Variants in USP34 observed in about 807,000 individuals in gnomAD.
USP34 encodes the protein ubiquitin carboxyl-terminal hydrolase 34.
In USP34, 70 loss-of-function variants were observed where a neutral mutation model predicts 460.3. The ratio of observed to expected loss-of-function variants is 0.15; its 90% CI spans 0.13 to 0.19. USP34 has a LOEUF of 0.19. Ranked by LOEUF, USP34 falls within the 10% of genes least tolerant of loss-of-function variation. USP34 has a pLI of 1.00. For missense variants in USP34, 3,985 were observed against 4,236.2 expected (o/e 0.94, Z 1.65); for synonymous variants, 1,647 against 1,405.3 (o/e 1.17, Z -3.85).
intron 62 of USP34, among the ~76,000 whole-genome samples, chr2:61,224,373 TC>T (rs1687671351): frequency 6.6e-6 from 1 of 152,198 alleles, no homozygotes; most frequent in Non-Finnish European, 1.5e-5. Context: ...GGTAGTCAGA[TC>T]CAGACTTGAT....
intron 16 of USP34, among the ~76,000 whole-genome samples, chr2:61,340,976 T>C (rs1314019161): frequency 6.6e-6 from 1 of 152,032 alleles, no homozygotes; most frequent in Non-Finnish European, 1.5e-5. Context: ...GGAAGTTCCC[T>C]TGTGATCCTT....
intron 41 of USP34, among the ~76,000 whole-genome samples, chr2:61,266,575 T>C (rs1379634261): frequency 1.3e-5 from 2 of 152,230 alleles, no homozygotes; most frequent in East Asian, 1.9e-4. Context: ...AGTTTACTTA[T>C]ACTGTTGAAA....
At chr2:61,380,131 A>G in intron 7 of USP34, 38 bp downstream of exon 7, 2 of 1,581,646 alleles carry the variant, frequency 1.3e-6, no homozygotes, top group Middle Eastern at 1.7e-4. Context: ...CCAGAAAACA[A>G]ATAAACGATG....
At chr2:61,374,813 C>G (rs1022646226) in intron 8 of USP34, among the ~76,000 whole-genome samples, 1 of 152,180 alleles carries the variant, frequency 6.6e-6, no homozygotes, top group African/African-American at 2.4e-5. Flanking sequence ...AGGTGATCCA[C>G]CAGCTTCGGC....
chr2:61,298,431 A>G (rs1022202968), intron 29 of USP34, among the ~76,000 whole-genome samples: 1 of 144,232 alleles, frequency 6.9e-6, no homozygotes, highest in Non-Finnish European at 1.5e-5. Context: ...CCAGCTACTC[A>G]GGAGGCTGAG....
At chr2:61,439,811 G>C (rs549414436) in intron 1 of USP34, among the ~76,000 whole-genome samples, 1 of 152,182 alleles carries the variant, frequency 6.6e-6, no homozygotes, top group Non-Finnish European at 1.5e-5. Flanking sequence ...CTGTCACTAT[G>C]TGGGTCACAC....
rs1458575578 is a variant in USP34 at position 61,188,534 on chromosome 2, A to T, written c.10209T>A (p.Asp3403Glu). The T allele has an allele frequency of 1.9e-6, 3 of 1,614,224 alleles. No homozygotes were observed. Among genetic ancestry groups the T allele is most frequent in the Non-Finnish European group, 1.7e-6 (2 of 1,180,042 alleles). Residue 3403 changes from aspartate (D) to glutamate (E), a missense_variant, in exon 80 of 80, where the codon GAT becomes GAA. Around this residue, in one of 14 missense-constraint regions of USP34, gnomAD observed 506 missense variants for 439.0 expected, o/e 1.15. Transcript: ENST00000398571. ...SSIIDPGTEQ[D>E]LPSPENSSVK... The stretch of plus-strand genomic sequence containing the variant: ...CAGAACTATTTTCAGGGGAAGGAAG[A>T]TCTTGCTCAGTTCCTGGATCAATAA...
chr2:61,321,460 G>C (rs1385360980), intron 21 of USP34, among the ~76,000 whole-genome samples: 3 of 152,140 alleles, frequency 2.0e-5, no homozygotes, highest in African/African-American at 7.2e-5. Flanking sequence ...GACAGAGTAA[G>C]ACTCCGTCTC....
Position 61,315,007 on chromosome 2 carries a change from T to C in USP34, c.3283-33A>G. ...AGAAAAATATGGTATCTCTAAATTT[T>C]GTTTGTCAAACTATGTAACTCATTA... On this transcript the variant is annotated intron_variant, in intron 23 of 79. Transcript: ENST00000398571. 3 of 1,576,198 alleles carry C rather than the reference T, an allele frequency of 1.9e-6. No homozygotes were observed. In the South Asian group the frequency reaches 3.5e-5, roughly 18 times the overall value.
intron 10 of USP34, among the ~76,000 whole-genome samples, chr2:61,360,877 G>A (rs184364328): frequency 6.6e-6 from 1 of 152,130 alleles, no homozygotes; most frequent in Non-Finnish European, 1.5e-5. Context: ...GGCTAGTCTC[G>A]AACTTCTGAG....
intron 2 of USP34, among the ~76,000 whole-genome samples, chr2:61,408,357 A>G (rs920737090): frequency 6.6e-6 from 1 of 152,176 alleles, no homozygotes; most frequent in African/African-American, 2.4e-5. Flanking sequence ...TTTAAGATAT[A>G]GTACTACTTT....
At chr2:61,211,056 C>T (rs958189751) in intron 69 of USP34, among the ~76,000 whole-genome samples, 1 of 152,182 alleles carries the variant, frequency 6.6e-6, no homozygotes, top group Non-Finnish European at 1.5e-5. Context: ...TAGTTAATTT[C>T]CCTGTTTACT....
chr2:61,328,194 C>T (rs1287915879), intron 20 of USP34, among the ~76,000 whole-genome samples: 1 of 151,172 alleles, frequency 6.6e-6, no homozygotes, highest in African/African-American at 2.4e-5. Context: ...CCCAGCTACT[C>T]GGGAGGCTGA....
In USP34 at chr2:61,402,676, C is replaced by G. The variant is rs543712406; in HGVS notation, c.552+3032G>C. Among the ~76,000 whole-genome samples the G allele has an allele frequency of 5.8e-4, 89 of 152,168 alleles. 3 individuals are homozygous for G. In the South Asian group the frequency reaches 0.018, roughly 30 times the overall value. ...TAAGAATTTTGGCTAAGTTGTGCCTCTTTAAAAAATATTAACGAAAAATCA... is the reference window on the plus strand; with the variant it reads ...TAAGAATTTTGGCTAAGTTGTGCCTGTTTAAAAAATATTAACGAAAAATCA... On this transcript the variant is annotated intron_variant, in intron 3 of 79. Transcript: ENST00000398571.
In USP34 at chr2:61,406,035, T is replaced by C. The variant is rs751599888; in HGVS notation, c.225A>G (p.Gln75=). 14 of 1,613,736 alleles carry C rather than the reference T, an allele frequency of 8.7e-6. No homozygotes were observed. In the East Asian group the frequency reaches 1.6e-4, roughly 18 times the overall value. Residue 75 remains glutamine, a synonymous_variant, in exon 3 of 80, where the codon CAA becomes CAG. Transcript: ENST00000398571. ...GTTTACAAAGCTGGTCCCGGAGCAC[T>C]TGAACTTGGGCAATCACTAAGTTAA... is the stretch of plus-strand genomic sequence containing the variant. ...ALINLVIAQV[Q]VLRDQLCKHC... is the part of the protein sequence containing the mutation.
chr2:61,206,336 C>T (rs1687116681), intron 71 of USP34, among the ~76,000 whole-genome samples: 2 of 152,076 alleles, frequency 1.3e-5, no homozygotes, highest in South Asian at 4.1e-4. Flanking sequence ...ATAATATGTC[C>T]CACTTTCTAG....
At position 61,257,295 on chromosome 2, in the gene USP34, T is replaced by C; in HGVS notation, c.5900A>G (p.Asp1967Gly). ...TTCCCCAGTATTCAGAGGCTGCTTA[T>C]CCATGGTGTATGTTTTACAGAAAGG... ...PRPFCKTYTM[D>G]KQPLNTGEQK... The change falls in exon 45 of 80, where the codon GAT (aspartate) becomes GGT (glycine). Residue 1967 changes from aspartate (D) to glycine (G), a missense_variant. By Grantham distance (94) the Asp-to-Gly change is moderately conservative (BLOSUM62 -1). This residue lies in a region of USP34 where 145 missense variants were observed against 291.6 expected (regional missense o/e 0.50). Transcript: ENST00000398571. 6.2e-7 allele frequency: 1 copy of C among 1,613,260 alleles called. No homozygotes were observed. The highest frequency in any genetic ancestry group is 8.5e-7 in the Non-Finnish European group (1 of 1,179,566).
intron 1 of USP34, among the ~76,000 whole-genome samples, chr2:61,454,383 C>G (rs1695370871): frequency 6.6e-6 from 1 of 152,162 alleles, no homozygotes; most frequent in Non-Finnish European, 1.5e-5. Context: ...CTTGGCCTCC[C>G]AAAGTGCTGG....
chr2:61,382,222 C>T (rs1232384193), intron 6 of USP34, among the ~76,000 whole-genome samples: 1 of 152,140 alleles, frequency 6.6e-6, no homozygotes, highest in East Asian at 1.9e-4. Flanking sequence ...GAAACATCTG[C>T]TAAAAACCCT....
Sources: allele counts gnomAD v4.1 joint callset (sites outside exome capture counted in the v4.1 genomes callset), GRCh38; gene constraint gnomAD v4.1.1; regional missense constraint gnomAD v4.1.1; transcripts MANE v1.5; gene names NCBI Gene and HGNC (gene_info 2026-07-23, HGNC 2026-07-21).